MAP3K5: variants seen among roughly 807,000 people sequenced by gnomAD.
MAP3K5 encodes the protein mitogen-activated protein kinase kinase kinase 5, also known as ASK-1.
Under a neutral mutation model 158.7 loss-of-function variants are expected in MAP3K5, and 56 were observed. That is an observed-to-expected ratio of 0.35 (90% CI 0.28 to 0.44). The LOEUF is 0.44. Among genes scored for constraint, MAP3K5 ranks in the 20% least tolerant of loss-of-function variants. The pLI is 1.00. For synonymous variants in MAP3K5, 579 were observed against 601.7 expected (o/e 0.96, Z 0.55); for missense variants, 1,294 against 1,674.8 (o/e 0.77, Z 3.97).
chr6:136,663,317 T>C (rs1369324402), intron 8 of MAP3K5, among the ~76,000 whole-genome samples: 1 of 152,238 alleles, frequency 6.6e-6, no homozygotes, highest in Non-Finnish European at 1.5e-5. Context: ...GTTAACATTT[T>C]GCTATTGCTT....
intron 25 of MAP3K5, among the ~76,000 whole-genome samples, chr6:136,575,860 G>A (rs1015015308): frequency 1.3e-5 from 2 of 152,180 alleles, no homozygotes; most frequent in Admixed American, 1.3e-4. Context: ...TTCCTTCACT[G>A]TAAAATTACT....
At chr6:136,765,362 A>C (rs1783918870) in intron 1 of MAP3K5, among the ~76,000 whole-genome samples, 2 of 152,100 alleles carry the variant, frequency 1.3e-5, no homozygotes, top group Admixed American at 1.3e-4. Flanking sequence ...CAGTGTGCAA[A>C]CACAGCTCAC....
Position 136,601,945 on chromosome 6 carries a change from T to C in MAP3K5, c.2714A>G (p.Glu905Gly), listed in dbSNP as rs995489776. The C allele has an allele frequency of 3.7e-6, 6 of 1,613,952 alleles. No individual in the cohort carries two copies. In the African/African-American group the frequency reaches 8.0e-5, roughly 22 times the overall value. Reference sequence around the variant, plus strand: ...TGCCTTGGCCTCTGCAGACATGGACTCTGGGATCTCAGGGTGGACTTTAAA... The same window carrying C: ...TGCCTTGGCCTCTGCAGACATGGACCCTGGGATCTCAGGGTGGACTTTAAA... ...GMFKVHPEIPESMSAEAKAFI... is the reference protein window; with the variant it reads ...GMFKVHPEIPGSMSAEAKAFI... The change falls in exon 20 of 30, where the codon GAG becomes GGG. Residue 905 changes from glutamate (E) to glycine (G), a missense_variant. By Grantham distance (98) the Glu-to-Gly change is moderately conservative. Transcript: ENST00000359015.
intron 1 of MAP3K5, among the ~76,000 whole-genome samples, chr6:136,736,317 G>A (rs369739940): frequency 6.5e-4 from 99 of 152,202 alleles, no homozygotes; most frequent in East Asian, 2.1e-3. Context: ...GCTCACTTTC[G>A]ACACCTAATA....
intron 1 of MAP3K5, among the ~76,000 whole-genome samples, chr6:136,734,214 T>C (rs1472458797): frequency 6.6e-6 from 1 of 151,344 alleles, no homozygotes; most frequent in Admixed American, 6.6e-5. Context: ...AGGTCAGGAG[T>C]TCGAGACCAG....
chr6:136,771,079 G>C (rs1303958765), intron 1 of MAP3K5, among the ~76,000 whole-genome samples: 1 of 152,128 alleles, frequency 6.6e-6, no homozygotes, highest in Admixed American at 6.5e-5. Context: ...TGAGGCTCCT[G>C]TGGGCCAGCC....
chr6:136,657,343 T>C (rs2114447459), intron 9 of MAP3K5, among the ~76,000 whole-genome samples: 1 of 152,312 alleles, frequency 6.6e-6, no homozygotes, highest in East Asian at 1.9e-4. Flanking sequence ...TCCATAAAAA[T>C]TAAGTTAGTG....
chr6:136,734,211 G>A (rs1782353311), intron 1 of MAP3K5, among the ~76,000 whole-genome samples: 1 of 152,000 alleles, frequency 6.6e-6, no homozygotes, highest in Non-Finnish European at 1.5e-5. Context: ...CTGAGGTCAG[G>A]AGTTCGAGAC....
intron 26 of MAP3K5, among the ~76,000 whole-genome samples, chr6:136,563,673 G>A (rs13203080): frequency 0.12 from 18,300 of 152,198 alleles, 1,477 homozygotes; most frequent in East Asian, 0.26. Flanking sequence ...GCAACTGAGA[G>A]CCAACTGGTA....
rs112732042 is a variant in MAP3K5, at chr6:136,689,127, G to A, written c.1253+5013C>T. 6.5e-3 allele frequency among the ~76,000 whole-genome samples: 987 copies of A among 151,870 alleles called. 6 individuals carry two copies. The highest frequency in any genetic ancestry group is 0.031 in the Middle Eastern group (9 of 294). ...CCAACCTGGCCAACACAGCAAGACCGCATCTCTGCAAAAAATTCAAAAATT... is the reference window on the plus strand; with the variant it reads ...CCAACCTGGCCAACACAGCAAGACCACATCTCTGCAAAAAATTCAAAAATT... On this transcript the variant is annotated intron_variant, in intron 7 of 29. Coordinates refer to ENST00000359015, the MANE Select transcript of MAP3K5 (RefSeq NM_005923.4).
chr6:136,595,541 T>A (rs1341173462), intron 21 of MAP3K5, among the ~76,000 whole-genome samples: 2 of 152,210 alleles, frequency 1.3e-5, no homozygotes, highest in African/African-American at 4.8e-5. Flanking sequence ...GCTGATGGAC[T>A]GGAGTGAAGA....
At position 136,654,455 on chromosome 6, in the gene MAP3K5, A is replaced by G. The variant is rs190208432; in HGVS notation, c.1680+1852T>C. On this transcript the variant is annotated intron_variant, in intron 10 of 29. Transcript: ENST00000359015. ...TATTTTTATTTTGTTTTATTTATTT[A>G]TTTATTTAGAGATGGAGTTTTGCTC... Among the ~76,000 whole-genome samples, 456 of 151,840 alleles carry G rather than the reference A, an allele frequency of 3.0e-3. 2 individuals are homozygous for G. The highest frequency in any genetic ancestry group is 0.01 in the African/African-American group (432 of 41,424).
At chr6:136,772,959 T>G (rs1784269191) in intron 1 of MAP3K5, among the ~76,000 whole-genome samples, 1 of 152,134 alleles carries the variant, frequency 6.6e-6, no homozygotes, top group Non-Finnish European at 1.5e-5. Context: ...GTAAATTGGG[T>G]TCAAGCCAGT....
intron 3 of MAP3K5, 101 bp downstream of exon 3, chr6:136,705,009 G>T (rs1316055645): frequency 1.7e-6 from 1 of 589,732 alleles, no homozygotes; most frequent in Non-Finnish European, 2.9e-6. Context: ...GAAAAATAGA[G>T]ATATAAATTA....
chr6:136,602,085 C>T, intron 19 of MAP3K5, 106 bp from the exon 20 acceptor site: 2 of 813,762 alleles, frequency 2.5e-6, no homozygotes, highest in South Asian at 3.4e-5. Flanking sequence ...GATCCCTTAT[C>T]ATACAACACA....
intron 23 of MAP3K5, among the ~76,000 whole-genome samples, chr6:136,589,505 T>C (rs1228645443): frequency 6.6e-6 from 1 of 152,244 alleles, no homozygotes; most frequent in East Asian, 1.9e-4. Flanking sequence ...CTTGTGTTTG[T>C]ACACAGAATT....
chr6:136,699,130 C>T (rs939971518), intron 3 of MAP3K5, among the ~76,000 whole-genome samples: 8 of 152,154 alleles, frequency 5.3e-5, no homozygotes, highest in Non-Finnish European at 1.0e-4. Flanking sequence ...ATCCACCCCC[C>T]GGGAGGCTGC....
rs769389892 is a variant in MAP3K5, at chr6:136,623,494, T to A, written c.2017-513A>T. Among the ~76,000 whole-genome samples, 20 of 152,174 alleles carry A rather than the reference T, an allele frequency of 1.3e-4. 1 individual carries two copies. The highest frequency in any genetic ancestry group is 1.1e-3 in the Admixed American group (17 of 15,290). On this transcript the variant is annotated intron_variant, in intron 14 of 29. Coordinates refer to ENST00000359015, the MANE Select transcript of MAP3K5 (RefSeq NM_005923.4). ...AGTCAGGATTATTTTACTTCACCAC[T>A]CCCCACCGTTTCCCCAAGACCCAAA...
intron 7 of MAP3K5, among the ~76,000 whole-genome samples, chr6:136,671,257 C>T (rs1206951605): frequency 1.3e-5 from 2 of 152,130 alleles, no homozygotes; most frequent in Non-Finnish European, 2.9e-5. Context: ...CTGAATATCT[C>T]CTATGTGCCA....
Sources: allele counts gnomAD v4.1 joint callset (sites outside exome capture counted in the v4.1 genomes callset), GRCh38; gene constraint gnomAD v4.1.1; transcripts MANE v1.5; gene names NCBI Gene and HGNC (gene_info 2026-07-23, HGNC 2026-07-21).